Variants in VWC2 observed in about 807,000 individuals in gnomAD.
VWC2 encodes von Willebrand factor C domain containing 2.
Under a neutral mutation model 29.8 loss-of-function variants are expected in VWC2, and 14 were observed. The ratio of observed to expected loss-of-function variants is 0.47; its 90% CI spans 0.31 to 0.74. The LOEUF (loss-of-function observed/expected upper bound fraction) is 0.74, where lower values mean the gene tolerates loss of function less well. Among genes scored for constraint, VWC2 ranks in the 30% least tolerant of loss-of-function variants. VWC2 has a pLI of 0.05. For synonymous variants in VWC2, 213 were observed against 199.0 expected, an observed-to-expected ratio of 1.07 and a Z score of -0.59; for missense variants, 457 against 459.8, an observed-to-expected ratio of 0.99 and a Z score of 0.05.
intron 2 of VWC2, among the ~76,000 whole-genome samples, chr7:49,788,468 TGAGA>T (rs202016215): frequency 6.1e-4 from 90 of 148,406 alleles, no homozygotes; most frequent in African/African-American, 1.7e-3. Flanking sequence ...TGTGTGTGTG[TGAGA>T]GAGAGTGTGT....
rs28480266 is a variant in VWC2, at chr7:49,851,269, G to A, written c.826+48429G>A. ...ATTTAGGGCCACTTGGGTAATCCAG[G>A]ATGATCTCATCTCCAGACCCTTCTT... On this transcript the variant is annotated intron_variant, in intron 3 of 3. Transcript: ENST00000340652. 7.8e-3 allele frequency among the ~76,000 whole-genome samples: 1,186 copies of A among 152,260 alleles called. 18 individuals are homozygous for A. Among genetic ancestry groups the A allele is most frequent in the African/African-American group, 0.027 (1,115 of 41,546 alleles).
At chr7:49,818,046 T>C (rs1562717039) in intron 3 of VWC2, among the ~76,000 whole-genome samples, 1 of 152,206 alleles carries the variant, frequency 6.6e-6, no homozygotes, top group Non-Finnish European at 1.5e-5. Context: ...GGTACAAAAG[T>C]ATACATTAGA....
intron 3 of VWC2, among the ~76,000 whole-genome samples, chr7:49,900,224 G>A (rs1792640789): frequency 1.3e-5 from 2 of 151,620 alleles, no homozygotes; most frequent in African/African-American, 4.8e-5. Flanking sequence ...AATTAGAAAA[G>A]AAGAAATCTA....
chr7:49,779,038 GGAGAGA>G (rs58968931), intron 2 of VWC2, among the ~76,000 whole-genome samples: 117 of 149,942 alleles, frequency 7.8e-4, no homozygotes, highest in African/African-American at 2.7e-3. Flanking sequence ...TTCCAGAGAG[GGAGAGA>G]GAGAGAGAGA....
At chr7:49,815,066 G>T (rs1789104691) in intron 3 of VWC2, among the ~76,000 whole-genome samples, 1 of 152,184 alleles carries the variant, frequency 6.6e-6, no homozygotes, top group African/African-American at 2.4e-5. Flanking sequence ...TGTGTTGTAT[G>T]TATGTGCATG....
At chr7:49,783,328 G>A (rs533370851) in intron 2 of VWC2, among the ~76,000 whole-genome samples, 6 of 152,168 alleles carry the variant, frequency 3.9e-5, no homozygotes, top group South Asian at 2.1e-4. Flanking sequence ...GGGGTCAAGG[G>A]GGCACACAGT....
intron 3 of VWC2, among the ~76,000 whole-genome samples, chr7:49,878,471 A>C (rs964481025): frequency 2.0e-5 from 3 of 152,048 alleles, no homozygotes; most frequent in South Asian, 4.1e-4. Context: ...TAAATAATGT[A>C]TTTGCTCAAT....
At chr7:49,845,566 G>A (rs1412981964) in intron 3 of VWC2, among the ~76,000 whole-genome samples, 2 of 152,224 alleles carry the variant, frequency 1.3e-5, no homozygotes, top group South Asian at 2.1e-4. Flanking sequence ...TTGGTCAGAT[G>A]CTAACACAAT....
At chr7:49,898,904 CA>C (rs1792547063) in intron 3 of VWC2, among the ~76,000 whole-genome samples, 1 of 151,694 alleles carries the variant, frequency 6.6e-6, no homozygotes. Flanking sequence ...ATTAAAGCCA[CA>C]AAAAGCATAA....
chr7:49,826,569 GA>G (rs1239487962), intron 3 of VWC2, among the ~76,000 whole-genome samples: 1 of 151,964 alleles, frequency 6.6e-6, no homozygotes, highest in African/African-American at 2.4e-5. Flanking sequence ...AATTTCAGTA[GA>G]AAAAAATATT....
intron 3 of VWC2, among the ~76,000 whole-genome samples, chr7:49,898,803 T>G (rs1792539004): frequency 6.6e-6 from 1 of 152,056 alleles, no homozygotes; most frequent in South Asian, 2.1e-4. Flanking sequence ...AGCTGTATAC[T>G]GCAAAGTCTA....
rs558492424 is a variant in VWC2, at chr7:49,778,563, G to A, written c.696+2432G>A. On this transcript the variant is annotated intron_variant, in intron 2 of 3. Coordinates refer to ENST00000340652, the MANE Select transcript of VWC2 (RefSeq NM_198570.5). ...TTTCTAGGCATTCTGCTAATTTATC[G>A]TGGCCTTGTGCAAGCCATTTATTGT... Among the ~76,000 whole-genome samples the A allele has an allele frequency of 4.6e-5, 7 of 152,274 alleles. No homozygotes were observed. The South Asian group carries it at 6.2e-4, about 14-fold the overall frequency.
intron 3 of VWC2, among the ~76,000 whole-genome samples, chr7:49,905,533 C>G (rs1009847472): frequency 6.6e-6 from 1 of 152,232 alleles, no homozygotes; most frequent in African/African-American, 2.4e-5. Context: ...ACCTTGATTT[C>G]TATCATTTAA....
intron 3 of VWC2, among the ~76,000 whole-genome samples, chr7:49,827,609 A>G (rs1455229479): frequency 6.6e-6 from 1 of 152,040 alleles, no homozygotes; most frequent in Admixed American, 6.6e-5. Context: ...TCTAGGATTT[A>G]TTATGCCATT....
At chr7:49,776,219 G>C (rs1386347906) in intron 2 of VWC2, 88 bp downstream of exon 2, 14 of 1,193,898 alleles carry the variant, frequency 1.2e-5, no homozygotes, top group Non-Finnish European at 1.6e-5. Context: ...CTTTGAAGAA[G>C]AGGTGCTCTC....
At chr7:49,869,462 G>A (rs947491051) in intron 3 of VWC2, among the ~76,000 whole-genome samples, 1 of 152,120 alleles carries the variant, frequency 6.6e-6, no homozygotes, top group Admixed American at 6.5e-5. Flanking sequence ...ATCGGATATA[G>A]GGAAAAAATT....
chr7:49,811,448 T>C (rs1025000122), intron 3 of VWC2, among the ~76,000 whole-genome samples: 3 of 152,228 alleles, frequency 2.0e-5, no homozygotes, highest in Middle Eastern at 3.2e-3. Flanking sequence ...CTCTGCACTT[T>C]TCCTTGCTGC....
chr7:49,838,856 A>G (rs921741242), intron 3 of VWC2, among the ~76,000 whole-genome samples: 6 of 152,212 alleles, frequency 3.9e-5, no homozygotes, highest in Non-Finnish European at 8.8e-5. Flanking sequence ...GAGGTGATAT[A>G]TAAGTTGCCC....
chr7:49,911,971 C>T, intron 3 of VWC2, 63 bp from the exon 4 acceptor site: 1 of 1,018,250 alleles, frequency 9.8e-7, no homozygotes, highest in Non-Finnish European at 1.3e-6. Context: ...ATGCTTAATA[C>T]CTAATTATAT....
Sources: allele counts gnomAD v4.1 joint callset (sites outside exome capture counted in the v4.1 genomes callset), GRCh38; gene constraint gnomAD v4.1.1; transcripts MANE v1.5; gene names NCBI Gene and HGNC (gene_info 2026-07-23, HGNC 2026-07-21).